RNF214: variants seen among roughly 807,000 people sequenced by gnomAD.
RNF214 encodes the protein ring finger protein 214.
In RNF214, 25 loss-of-function variants were observed where a neutral mutation model predicts 75.9. The ratio of observed to expected loss-of-function variants is 0.33; its 90% CI spans 0.24 to 0.46. RNF214 has a LOEUF of 0.46. Among genes scored for constraint, RNF214 ranks in the 20% least tolerant of loss-of-function variants. The probability of loss-of-function intolerance (pLI) is 1.00; values close to 1 mark genes in which losing one functional copy is unlikely to be tolerated. For synonymous variants in RNF214, 314 were observed against 308.8 expected (o/e 1.02, Z -0.18); for missense variants, 725 against 857.5 (o/e 0.85, Z 1.93).
intron 14 of RNF214, among the ~76,000 whole-genome samples, chr11:117,284,280 C>A (rs1211436154): frequency 6.6e-6 from 1 of 152,216 alleles, no homozygotes; most frequent in Non-Finnish European, 1.5e-5. Flanking sequence ...TCTTCACAGA[C>A]TGACAAGTCA....
chr11:117,276,193 TA>T (rs202229522), intron 6 of RNF214, among the ~76,000 whole-genome samples: 1 of 151,678 alleles, frequency 6.6e-6, no homozygotes, highest in African/African-American at 2.4e-5. Flanking sequence ...CCCTTTGTGG[TA>T]AAAAAAACCC....
intron 6 of RNF214, among the ~76,000 whole-genome samples, chr11:117,258,503 T>C (rs188443668): frequency 6.6e-6 from 1 of 152,176 alleles, no homozygotes; most frequent in Non-Finnish European, 1.5e-5. Context: ...CCTGAACATA[T>C]ATACATGTAC....
At position 117,281,934 on chromosome 11, in the gene RNF214, T is replaced by C. The variant is rs755109152; in HGVS notation, c.1376T>C (p.Leu459Pro). ...MLQVFQPSPS[L>P]APRMPFSIGQ... ...CAGGTGTTTCAACCCAGTCCCTCTC[T>C]GGCTCCTCGGATGCCCTTCTCCATT... Residue 459 changes from leucine (L) to proline (P), a missense_variant, in exon 11 of 15, where the codon CTG (leucine) becomes CCG (proline). By Grantham distance (98) the Leu-to-Pro change is moderately conservative. Coordinates refer to ENST00000300650, the MANE Select transcript of RNF214 (RefSeq NM_207343.4). 1.9e-6 allele frequency: 3 copies of C among 1,614,140 alleles called. No individual in the cohort carries two copies. Among genetic ancestry groups the C allele is most frequent in the Non-Finnish European group, 2.5e-6 (3 of 1,180,018 alleles).
intron 3 of RNF214, chr11:117,239,493 G>A (rs2033010617): frequency 2.2e-6 from 1 of 458,576 alleles, no homozygotes; most frequent in Non-Finnish European, 3.9e-6. Context: ...TTCTAGTGAC[G>A]GGTGTGCTTT....
At chr11:117,255,669 TATTA>T (rs1014939180) in intron 6 of RNF214, among the ~76,000 whole-genome samples, 1 of 152,020 alleles carries the variant, frequency 6.6e-6, no homozygotes, top group African/African-American at 2.4e-5. Flanking sequence ...GTATTCTTAG[TATTA>T]ATTATTCTTT....
chr11:117,245,596 C>T (rs111447379), intron 5 of RNF214, among the ~76,000 whole-genome samples: 5,161 of 152,136 alleles, frequency 0.034, 144 homozygotes, highest in South Asian at 0.13. Context: ...CCTGCCTCGG[C>T]CCCCCAAAGT....
chr11:117,270,072 A>G (rs374748622), intron 6 of RNF214, among the ~76,000 whole-genome samples: 2 of 151,922 alleles, frequency 1.3e-5, no homozygotes, highest in African/African-American at 4.8e-5. Context: ...AGACAGTTGC[A>G]TTTCTTTTGC....
chr11:117,281,415 C>T lies in RNF214; in HGVS notation c.1236+11C>T. 6.3e-7 allele frequency: 1 copy of T among 1,590,110 alleles called. No homozygotes were observed. Among genetic ancestry groups the T allele is most frequent in the Non-Finnish European group, 8.6e-7 (1 of 1,158,256 alleles). On this transcript the variant is annotated intron_variant, in intron 9 of 14. Coordinates refer to ENST00000300650, the MANE Select transcript of RNF214 (RefSeq NM_207343.4). ...AAAAAGAATGTTCGTGTAAGTGTAT[C>T]TATGAGTCATCATTCAGTCAGTGTT...
intron 6 of RNF214, among the ~76,000 whole-genome samples, chr11:117,262,930 G>T (rs534697902): frequency 1.3e-5 from 2 of 151,856 alleles, no homozygotes; most frequent in Admixed American, 1.3e-4. Flanking sequence ...CCTCAGCCTC[G>T]TGAGAAGCTG....
intron 4 of RNF214, among the ~76,000 whole-genome samples, chr11:117,241,350 G>T (rs541317309): frequency 3.8e-4 from 58 of 152,136 alleles, no homozygotes; most frequent in African/African-American, 1.4e-3. Context: ...GGGAGGCCGA[G>T]GCGGGTAGAT....
intron 5 of RNF214, among the ~76,000 whole-genome samples, chr11:117,244,838 TG>T (rs2033173267): frequency 6.6e-6 from 1 of 151,760 alleles, no homozygotes; most frequent in Non-Finnish European, 1.5e-5. Context: ...GCTCATTTTT[TG>T]TATTTTTGGT....
At chr11:117,267,658 G>C (rs1433732673) in intron 6 of RNF214, among the ~76,000 whole-genome samples, 3 of 152,128 alleles carry the variant, frequency 2.0e-5, no homozygotes, top group African/African-American at 7.2e-5. Flanking sequence ...GTGCCCAGGA[G>C]GTGGAGGTTG....
chr11:117,249,039 C>T (rs914751102), intron 6 of RNF214, among the ~76,000 whole-genome samples: 4 of 152,054 alleles, frequency 2.6e-5, no homozygotes, highest in African/African-American at 9.7e-5. Flanking sequence ...TCTTTTGCCT[C>T]AGTCACCTGA....
intron 14 of RNF214, 94 bp from the exon 15 acceptor site, chr11:117,284,992 C>G: frequency 1.1e-6 from 1 of 888,058 alleles, no homozygotes; most frequent in South Asian, 1.4e-5. Flanking sequence ...AAGAACTTTT[C>G]TGACTTAGGC....
chr11:117,247,037 G>C lies in RNF214; in HGVS notation c.959+89G>C, dbSNP rs374055941. 1.1e-5 allele frequency: 12 copies of C among 1,101,848 alleles called. No individual in the cohort carries two copies. The Middle Eastern group carries it at 1.8e-3, about 162-fold the overall frequency. 68.3% of individuals were successfully genotyped at this position (1,101,848 alleles called of 1,614,324 possible). ...TTGTATTTGTAGTTTCTTTCCCTTC[G>C]GTTTAATTTTTATTTGAAAAACAAG... is the stretch of plus-strand genomic sequence containing the variant. On this transcript the variant is annotated intron_variant, in intron 6 of 14. Coordinates refer to ENST00000300650, the MANE Select transcript of RNF214 (RefSeq NM_207343.4).
rs2033159198 is a variant in RNF214 at position 117,244,504 on chromosome 11, A to G, written c.738A>G (p.Lys246=). The G allele has an allele frequency of 6.2e-7, 1 of 1,613,328 alleles. No individual in the cohort carries two copies. The part of the protein sequence containing the change: ...LKERYQEVLD[K]QRQVENQLQV... ...AGCGTTACCAGGAGGTCCTGGACAA[A>G]CAGAGGCAAGTGGAGAATCAGCTCC... Residue 246 remains lysine (K), a synonymous_variant, in exon 5 of 15, where the codon AAA becomes AAG. Transcript: ENST00000300650.
intron 6 of RNF214, among the ~76,000 whole-genome samples, chr11:117,260,209 G>A (rs561163910): frequency 8.9e-4 from 135 of 152,096 alleles, no homozygotes; most frequent in African/African-American, 3.2e-3. Context: ...GCTCACTGTA[G>A]CCTTGAACTC....
chr11:117,237,675 A>C (rs1415115938), intron 2 of RNF214, among the ~76,000 whole-genome samples: 1 of 152,142 alleles, frequency 6.6e-6, no homozygotes, highest in African/African-American at 2.4e-5. Context: ...ATAAATAAAT[A>C]AATAAAAAAT....
At chr11:117,238,313 G>A (rs921770901) in intron 2 of RNF214, among the ~76,000 whole-genome samples, 3 of 152,218 alleles carry the variant, frequency 2.0e-5, no homozygotes, top group Non-Finnish European at 4.4e-5. Context: ...GTCTGAGGTG[G>A]AGGATTGCTT....
Sources: allele counts gnomAD v4.1 joint callset (sites outside exome capture counted in the v4.1 genomes callset), GRCh38; gene constraint gnomAD v4.1.1; transcripts MANE v1.5; gene names NCBI Gene and HGNC (gene_info 2026-07-23, HGNC 2026-07-21).